Variants in MALT1 observed in about 807,000 individuals in gnomAD.
The protein encoded by MALT1 is mucosa-associated lymphoid tissue lymphoma translocation protein 1.
In MALT1, 36 loss-of-function variants were observed where a neutral mutation model predicts 85.5. That is an observed-to-expected ratio of 0.42 (90% confidence interval 0.32 to 0.56). MALT1 has a LOEUF of 0.56. MALT1 is among the 20% of genes least tolerant of loss of function. MALT1 has a pLI of 0.10. For synonymous variants in MALT1, 359 were observed against 361.3 expected (o/e 0.99, Z 0.07); for missense variants, 716 against 981.6 (o/e 0.73, Z 3.62).
chr18:58,723,033 C>CTTTTTT lies in MALT1; in HGVS notation c.1019-11_1019-6dup. 6.4e-7 allele frequency: 1 copy of CTTTTTT among 1,574,074 alleles called. No homozygotes were observed. The highest frequency in any genetic ancestry group is 1.1e-5 in the South Asian group (1 of 88,868). On this transcript the variant is annotated splice_polypyrimidine_tract_variant and intron_variant, in intron 9 of 16. Coordinates refer to ENST00000649217, the MANE Select transcript of MALT1 (RefSeq NM_006785.4). ...TATATCTTCTTTAAACACCCCCTTT[C>CTTTTTT]TTTTTTTTTCAAAGCGAAGGACAAG...
At chr18:58,725,159 TAAA>T (rs1048024969) in intron 10 of MALT1, among the ~76,000 whole-genome samples, 1 of 144,148 alleles carries the variant, frequency 6.9e-6, no homozygotes, top group South Asian at 2.2e-4. Flanking sequence ...TAAAATAAAA[TAAA>T]AACACGAAAA....
intron 4 of MALT1, among the ~76,000 whole-genome samples, chr18:58,702,716 G>GA (rs1472014174): frequency 1.3e-5 from 2 of 152,062 alleles, no homozygotes; most frequent in Non-Finnish European, 2.9e-5. Context: ...TGATCTTGTG[G>GA]AAAAAAACTC....
intron 10 of MALT1, among the ~76,000 whole-genome samples, chr18:58,729,221 G>A (rs2055109020): frequency 6.6e-6 from 1 of 152,174 alleles, no homozygotes; most frequent in Non-Finnish European, 1.5e-5. Flanking sequence ...GGGCACGGTG[G>A]CTCAACGCCT....
chr18:58,696,552 T>C, intron 3 of MALT1, 65 bp downstream of exon 3: 3 of 1,311,596 alleles, frequency 2.3e-6, no homozygotes, highest in Admixed American at 2.4e-5. Context: ...TTAATTAACA[T>C]TATCGTCCTA....
chr18:58,713,494 C>T (rs565950391), intron 7 of MALT1, among the ~76,000 whole-genome samples: 12 of 151,464 alleles, frequency 7.9e-5, no homozygotes, highest in African/African-American at 2.4e-4. Context: ...CAAGGAACAC[C>T]TGAGCAGGTG....
Position 58,733,496 on chromosome 18 carries a change from G to A in MALT1, c.1322G>A (p.Cys441Tyr), listed in dbSNP as rs1391115167. Residue 441 changes from cysteine to tyrosine, a missense_variant, in exon 11 of 17, where the codon TGT (cysteine) becomes TAT (tyrosine). Physicochemically the swap from Cys to Tyr is radical, Grantham distance 194. Around this residue, in one of 4 missense-constraint regions of MALT1, gnomAD observed 86 missense variants for 212.3 expected, o/e 0.41. Coordinates refer to ENST00000649217, the MANE Select transcript of MALT1 (RefSeq NM_006785.4). ...PNPYRSENCL[C>Y]VQNILKLMQE... ...CCATATAGGTCTGAAAATTGTCTGT[G>A]TGTACAAAATATACTGAAATTGATG... 3 of 1,612,892 alleles carry A rather than the reference G, an allele frequency of 1.9e-6. No homozygotes were observed. Among genetic ancestry groups the A allele is most frequent in the East Asian group, 2.2e-5 (1 of 44,870 alleles).
In MALT1 at chr18:58,735,213, C is replaced by A; in HGVS notation, c.1487C>A (p.Ala496Glu). Residue 496 changes from alanine to glutamate, a missense_variant, in exon 13 of 17, where the codon GCA becomes GAA. Coordinates refer to ENST00000649217, the MANE Select transcript of MALT1 (RefSeq NM_006785.4). ...TTTCTATTTTTAAGGTGTCAAGGAG[C>A]AGAAGCTTTTGAAATCCAGCATTCT... is the stretch of plus-strand genomic sequence containing the variant. ...IVFGYATCQGAEAFEIQHSGL... is the reference protein window; with the variant it reads ...IVFGYATCQGEEAFEIQHSGL... 2 of 1,607,160 alleles carry A rather than the reference C, an allele frequency of 1.2e-6. No individual in the cohort carries two copies. The highest frequency in any genetic ancestry group is 1.7e-6 in the Non-Finnish European group (2 of 1,178,802).
At chr18:58,747,363 A>C in intron 16 of MALT1, 42 bp from the exon 17 acceptor site, 4 of 1,239,852 alleles carry the variant, frequency 3.2e-6, no homozygotes, top group Non-Finnish European at 4.7e-6. Context: ...ATATATATTC[A>C]CTGTTGATGC....
At chr18:58,696,889 A>G (rs2144352789) in intron 3 of MALT1, among the ~76,000 whole-genome samples, 1 of 152,318 alleles carries the variant, frequency 6.6e-6, no homozygotes, top group South Asian at 2.1e-4. Context: ...ATTCCACATC[A>G]CTGTTTTATC....
Position 58,723,165 on chromosome 18 carries a change from A to G in MALT1, c.1136A>G (p.Lys379Arg). ...LTNLLRQLDFKVVSLLDLTEY... is the reference protein window; with the variant it reads ...LTNLLRQLDFRVVSLLDLTEY... ...AACTTACTGAGACAGCTGGACTTCAAAGTGGTTTCACTGTTGGATCTTACT... is the reference window on the plus strand; with the variant it reads ...AACTTACTGAGACAGCTGGACTTCAGAGTGGTTTCACTGTTGGATCTTACT... Residue 379 changes from lysine to arginine, a missense_variant, in exon 10 of 17, where the codon AAA (lysine) becomes AGA (arginine). Lys to Arg is a conservative substitution (Grantham distance 26, BLOSUM62 2). Coordinates refer to ENST00000649217, the MANE Select transcript of MALT1 (RefSeq NM_006785.4). 1 of 1,614,102 alleles carries G rather than the reference A, an allele frequency of 6.2e-7. No homozygotes were observed. Among genetic ancestry groups the G allele is most frequent in the Non-Finnish European group, 8.5e-7 (1 of 1,179,950 alleles).
intron 10 of MALT1, among the ~76,000 whole-genome samples, chr18:58,725,745 G>A (rs2055046366): frequency 6.6e-6 from 1 of 152,126 alleles, no homozygotes; most frequent in African/African-American, 2.4e-5. Context: ...TGGCTTTTAA[G>A]CCCTTTGTTT....
intron 9 of MALT1, among the ~76,000 whole-genome samples, chr18:58,721,516 TG>T (rs11353911): frequency 0.13 from 20,192 of 152,200 alleles, 2,430 homozygotes; most frequent in African/African-American, 0.32. Context: ...TTCATAACAC[TG>T]GGCAGTTGGC....
intron 1 of MALT1, among the ~76,000 whole-genome samples, chr18:58,674,614 A>C (rs113751622): frequency 5.3e-5 from 8 of 152,354 alleles, no homozygotes; most frequent in African/African-American, 1.9e-4. Context: ...AAGCAAGGTC[A>C]GCTGGGGATG....
At chr18:58,697,628 TG>T (rs971710876) in intron 3 of MALT1, among the ~76,000 whole-genome samples, 5 of 152,162 alleles carry the variant, frequency 3.3e-5, no homozygotes, top group African/African-American at 1.2e-4. Context: ...GGAGAAATAG[TG>T]GAAAAACCCT....
intron 2 of MALT1, chr18:58,690,473 C>T (rs531680695): frequency 1.4e-4 from 24 of 167,830 alleles, no homozygotes; most frequent in African/African-American, 5.3e-4. Flanking sequence ...CATGTGGAAG[C>T]CAGAGCCTCC....
Position 58,711,036 on chromosome 18 carries a change from G to A in MALT1, c.958+83G>A, listed in dbSNP as rs995404963. On this transcript the variant is annotated intron_variant, in intron 7 of 16. Transcript: ENST00000649217. ...TGGTGGAGTGCTTTTAGCCTACTGA[G>A]TGCAGTGATGGAAAAAATACTAGCT... is the stretch of plus-strand genomic sequence containing the variant. 3.4e-5 allele frequency: 28 copies of A among 822,298 alleles called. No homozygotes were observed. The Admixed American group carries it at 6.0e-4, about 18-fold the overall frequency. The allele number at this position is 822,298 out of a possible 1,614,324, so 50.9% of individuals were successfully genotyped here. A position where few individuals can be genotyped will look rare whatever the true frequency, so the allele number is the denominator to read the frequency against.
intron 4 of MALT1, among the ~76,000 whole-genome samples, chr18:58,700,993 A>C (rs2054663531): frequency 6.6e-6 from 1 of 151,924 alleles, no homozygotes; most frequent in African/African-American, 2.4e-5. Context: ...GGGTTTCACC[A>C]TGTTGGCCAG....
chr18:58,685,198 G>C (rs890233277), intron 2 of MALT1, among the ~76,000 whole-genome samples: 3 of 152,104 alleles, frequency 2.0e-5, no homozygotes, highest in Non-Finnish European at 4.4e-5. Flanking sequence ...TATTTCATAG[G>C]AGGACATTAC....
intron 13 of MALT1, 27 bp from the exon 14 acceptor site, chr18:58,741,838 A>G: frequency 7.1e-7 from 1 of 1,401,366 alleles, no homozygotes; most frequent in Non-Finnish European, 9.7e-7. Flanking sequence ...TGGTCTTAAA[A>G]ATAATATTTA....
Sources: allele counts gnomAD v4.1 joint callset (sites outside exome capture counted in the v4.1 genomes callset), GRCh38; gene constraint gnomAD v4.1.1; regional missense constraint gnomAD v4.1.1; transcripts MANE v1.5; gene names NCBI Gene and HGNC (gene_info 2026-07-23, HGNC 2026-07-21).